Variants in SERINC5 observed in about 807,000 individuals in gnomAD.
The protein encoded by SERINC5 is serine incorporator 5, also known as chromosome 5 open reading frame 12.
A neutral mutation model predicts 63.1 loss-of-function variants in SERINC5; 41 were observed. The ratio of observed to expected loss-of-function variants is 0.65; its 90% CI spans 0.51 to 0.84. The LOEUF (loss-of-function observed/expected upper bound fraction) is 0.84. Among genes scored for constraint, SERINC5 ranks in the 40% least tolerant of loss-of-function variants. The probability of loss-of-function intolerance (pLI) is 0.00; values close to 1 mark genes in which losing one functional copy is unlikely to be tolerated. For missense variants in SERINC5, 523 were observed against 573.0 expected (o/e 0.91, Z 0.89); for synonymous variants, 222 against 215.2 (o/e 1.03, Z -0.28).
intron 8 of SERINC5, chr5:80,158,316 T>C (rs1561377728): frequency 6.5e-6 from 1 of 153,132 alleles, no homozygotes; most frequent in Non-Finnish European, 1.5e-5. Context: ...AACAACAGCA[T>C]TGTGGGTTTA....
Position 80,143,681 on chromosome 5 carries a change from G to T in SERINC5, c.1368C>A (p.Thr456=). 1 of 1,536,070 alleles carries T rather than the reference G, an allele frequency of 6.5e-7. No individual in the cohort carries two copies. Among genetic ancestry groups the T allele is most frequent in the Non-Finnish European group, 8.7e-7 (1 of 1,146,872 alleles). Residue 456 remains threonine (T), a synonymous_variant, in exon 12 of 12, where the codon ACC becomes ACA. Coordinates refer to ENST00000507668, the MANE Select transcript of SERINC5 (RefSeq NM_001174072.3). ...CTLVAPLCCP[T]REFSV ...GATATCATCACACAGAGAACTCCCG[G>T]GTGGGGCAGCAGAGGGGAGCGACCA...
At position 80,138,794 on chromosome 5, in the gene SERINC5, A is replaced by T; in HGVS notation, c.*4869T>A. The stretch of plus-strand genomic sequence containing the variant: ...ATCAGCATAGACTCCATGAAACTTG[A>T]GAGACCTGATTAACATCTGAAGGCA... On this transcript the variant is annotated 3_prime_UTR_variant, in exon 12 of 12. Coordinates refer to ENST00000507668, the MANE Select transcript of SERINC5 (RefSeq NM_001174072.3). 1.0e-6 allele frequency: 1 copy of T among 983,642 alleles called. No homozygotes were observed. Among genetic ancestry groups the T allele is most frequent in the Non-Finnish European group, 1.2e-6 (1 of 828,312 alleles). 60.9% of individuals were successfully genotyped at this position (983,642 alleles called of 1,614,324 possible).
At chr5:80,180,129 A>G (rs758206715) in intron 2 of SERINC5, among the ~76,000 whole-genome samples, 17 of 152,190 alleles carry the variant, frequency 1.1e-4, no homozygotes, top group Non-Finnish European at 2.5e-4. Context: ...AGCTTATTCT[A>G]GCCAAATTAG....
intron 2 of SERINC5, among the ~76,000 whole-genome samples, chr5:80,182,988 A>C (rs1748552021): frequency 6.6e-6 from 1 of 152,220 alleles, no homozygotes. Flanking sequence ...GGGAAGGGCC[A>C]GGTGCATGCC....
At chr5:80,170,021 G>A (rs1369689550) in intron 5 of SERINC5, among the ~76,000 whole-genome samples, 1 of 152,152 alleles carries the variant, frequency 6.6e-6, no homozygotes, top group Non-Finnish European at 1.5e-5. Flanking sequence ...CAGGAAAAGG[G>A]GGCAGGTGGT....
chr5:80,202,758 G>C, intron 2 of SERINC5, 128 bp downstream of exon 2: 1 of 812,496 alleles, frequency 1.2e-6, no homozygotes, highest in East Asian at 2.8e-5. Flanking sequence ...GCTTCAGGAA[G>C]GTTCAAGGAA....
intron 1 of SERINC5, among the ~76,000 whole-genome samples, chr5:80,254,866 G>C (rs889046831): frequency 2.0e-5 from 3 of 152,220 alleles, no homozygotes; most frequent in Admixed American, 2.0e-4. Flanking sequence ...TTATCTGCCA[G>C]TATAATCGCC....
chr5:80,194,681 C>T (rs1374819776), intron 2 of SERINC5, among the ~76,000 whole-genome samples: 1 of 152,054 alleles, frequency 6.6e-6, no homozygotes, highest in Non-Finnish European at 1.5e-5. Flanking sequence ...TGCTGAGGGC[C>T]CCAGGCAGCG....
intron 1 of SERINC5, among the ~76,000 whole-genome samples, chr5:80,227,457 C>T (rs1240983989): frequency 6.6e-6 from 1 of 151,930 alleles, no homozygotes; most frequent in African/African-American, 2.4e-5. Context: ...CACAGCACAC[C>T]TCATAATAAA....
At chr5:80,202,049 C>T (rs748988784) in intron 2 of SERINC5, among the ~76,000 whole-genome samples, 3 of 152,072 alleles carry the variant, frequency 2.0e-5, no homozygotes, top group Non-Finnish European at 4.4e-5. Context: ...ACCAGCCTGG[C>T]CAACATGGTG....
At chr5:80,134,748 G>A (rs939799840), downstream of SERINC5, among the ~76,000 whole-genome samples, 5 of 152,200 alleles carry the variant, frequency 3.3e-5, no homozygotes, top group East Asian at 1.9e-4. Context: ...CCAGAAAGAT[G>A]TAAGGAATTG....
intron 1 of SERINC5, among the ~76,000 whole-genome samples, chr5:80,207,275 A>G (rs985076696): frequency 6.6e-6 from 1 of 152,232 alleles, no homozygotes; most frequent in Non-Finnish European, 1.5e-5. Flanking sequence ...CTGGGATTAC[A>G]GGTGTAAGCC....
At position 80,139,377 on chromosome 5, in the gene SERINC5, G is replaced by T. The variant is rs756112564; in HGVS notation, c.*4286C>A. 1.0e-6 allele frequency: 1 copy of T among 984,996 alleles called. No individual in the cohort carries two copies. The highest frequency in any genetic ancestry group is 4.7e-5 in the South Asian group (1 of 21,280). The allele number at this position is 984,996 out of a possible 1,614,324, so 61.0% of individuals were successfully genotyped here. A position where few individuals can be genotyped will look rare whatever the true frequency, so the allele number is the denominator to read the frequency against. Reference sequence around the variant, plus strand: ...ACTTCCCAGGATCCTTTATCCCAAAGGATTACCTTAAAGAGTTCTTCCATC... The same window carrying T: ...ACTTCCCAGGATCCTTTATCCCAAATGATTACCTTAAAGAGTTCTTCCATC... On this transcript the variant is annotated 3_prime_UTR_variant, in exon 12 of 12. Coordinates refer to ENST00000507668, the MANE Select transcript of SERINC5 (RefSeq NM_001174072.3).
At chr5:80,169,267 G>A (rs1747492737) in intron 6 of SERINC5, 68 bp downstream of exon 6, 15 of 1,322,106 alleles carry the variant, frequency 1.1e-5, no homozygotes, top group Admixed American at 3.8e-5. Context: ...AACAAAAAAA[G>A]CCATTGGGTT....
At chr5:80,191,682 A>C (rs1436928189) in intron 2 of SERINC5, among the ~76,000 whole-genome samples, 1 of 130,950 alleles carries the variant, frequency 7.6e-6, no homozygotes. Flanking sequence ...AAAAAGAAAG[A>C]AAAAAAAAAA....
intron 2 of SERINC5, among the ~76,000 whole-genome samples, chr5:80,200,369 C>T (rs2112483471): frequency 6.6e-6 from 1 of 151,576 alleles, no homozygotes; most frequent in East Asian, 1.9e-4. Context: ...GCCTGTAGTC[C>T]CAGCTACTCG....
chr5:80,121,800 G>C (rs1744552657), intron 11 of SERINC5, among the ~76,000 whole-genome samples: 1 of 152,136 alleles, frequency 6.6e-6, no homozygotes, highest in Non-Finnish European at 1.5e-5. Context: ...GAGAGAAAGA[G>C]AGGGGGAGGA....
chr5:80,197,815 T>C (rs1749604383), intron 2 of SERINC5, among the ~76,000 whole-genome samples: 1 of 152,184 alleles, frequency 6.6e-6, no homozygotes, highest in South Asian at 2.1e-4. Flanking sequence ...CTTGCCCACT[T>C]TTGTTCCCTT....
chr5:80,139,348 G>C lies in SERINC5; in HGVS notation c.*4315C>G. On this transcript the variant is annotated 3_prime_UTR_variant, in exon 12 of 12. Coordinates refer to ENST00000507668, the MANE Select transcript of SERINC5 (RefSeq NM_001174072.3). ...TCTGCTGTAAGCTTTCTTTACCTGA[G>C]AGAACTTCCCAGGATCCTTTATCCC... The C allele has an allele frequency of 1.0e-6, 1 of 985,002 alleles. No homozygotes were observed. Among genetic ancestry groups the C allele is most frequent in the Non-Finnish European group, 1.2e-6 (1 of 829,646 alleles). 61.0% of individuals were successfully genotyped at this position (985,002 alleles called of 1,614,324 possible). A position where few individuals can be genotyped will look rare whatever the true frequency, so the allele number is the denominator to read the frequency against.
Sources: allele counts gnomAD v4.1 joint callset (sites outside exome capture counted in the v4.1 genomes callset), GRCh38; gene constraint gnomAD v4.1.1; transcripts MANE v1.5; gene names NCBI Gene and HGNC (gene_info 2026-07-23, HGNC 2026-07-21).